Variants in SUCLG2 observed in about 807,000 individuals in gnomAD.
The protein encoded by SUCLG2 is succinate-CoA ligase GDP-forming subunit beta, also known as succinate--CoA ligase [GDP-forming] subunit beta, mitochondrial.
In SUCLG2, 42 loss-of-function variants were observed where a neutral mutation model predicts 47.9. That is an observed-to-expected ratio of 0.88 (90% CI 0.69 to 1.14). SUCLG2 has a LOEUF of 1.14. SUCLG2 is among the 50% of genes most tolerant of loss of function. The pLI, the probability that SUCLG2 is intolerant of heterozygous loss-of-function variation, is 0.00. For missense variants in SUCLG2, 571 were observed against 525.9 expected (o/e 1.09, Z -0.84); for synonymous variants, 195 against 197.3 (o/e 0.99, Z 0.10).
intron 2 of SUCLG2, among the ~76,000 whole-genome samples, chr3:67,555,756 T>A (rs900515980): frequency 1.3e-5 from 2 of 152,102 alleles, no homozygotes; most frequent in Non-Finnish European, 2.9e-5. Context: ...CAGCAAATGA[T>A]GGAAATGAGA....
In SUCLG2 at chr3:67,567,922, G is replaced by A. The variant is rs6783061; in HGVS notation, c.227-38736C>T. ...GACTCTAAAAACAGACAGAGAGGGA[G>A]AAAAGATGATGATGACAACGCTGTT... On this transcript the variant is annotated intron_variant, in intron 2 of 10. Transcript: ENST00000307227. 9.3e-4 allele frequency among the ~76,000 whole-genome samples: 142 copies of A among 152,328 alleles called. 1 individual carries two copies. The highest frequency in any genetic ancestry group is 3.2e-3 in the African/African-American group (131 of 41,570).
At chr3:67,489,743 G>GT (rs1368259634) in intron 9 of SUCLG2, among the ~76,000 whole-genome samples, 1 of 152,132 alleles carries the variant, frequency 6.6e-6, no homozygotes, top group African/African-American at 2.4e-5. Context: ...GTTTTGCTTT[G>GT]TTACAATAAA....
rs138653739 is a variant in SUCLG2 at position 67,627,263 on chromosome 3, T to G, written c.85-17667A>C. ...ACCAATTTTTACTTGGCATCTGCTT[T>G]AAATCCCATGGAATTAGTTACTCCT... On this transcript the variant is annotated intron_variant, in intron 1 of 10. Coordinates refer to ENST00000307227, the MANE Select transcript of SUCLG2 (RefSeq NM_003848.4). Among the ~76,000 whole-genome samples the G allele has an allele frequency of 1.7e-4, 26 of 152,330 alleles. 1 individual carries two copies. Among genetic ancestry groups the G allele is most frequent in the African/African-American group, 6.0e-4 (25 of 41,566 alleles).
At chr3:67,650,729 C>G (rs1701271276) in intron 1 of SUCLG2, among the ~76,000 whole-genome samples, 1 of 152,058 alleles carries the variant, frequency 6.6e-6, no homozygotes, top group African/African-American at 2.4e-5. Flanking sequence ...CGCACTCCAG[C>G]CTGGGTGAGA....
At chr3:67,395,155 C>A (rs1198479162) in intron 10 of SUCLG2, among the ~76,000 whole-genome samples, 1 of 151,634 alleles carries the variant, frequency 6.6e-6, no homozygotes, top group East Asian at 1.9e-4. Flanking sequence ...ATGACAGGAT[C>A]AAATTCACAC....
chr3:67,450,354 G>C (rs548925150), intron 9 of SUCLG2, among the ~76,000 whole-genome samples: 3 of 152,264 alleles, frequency 2.0e-5, no homozygotes, highest in South Asian at 4.1e-4. Flanking sequence ...ATGTACAATA[G>C]TTTTATTAAA....
At chr3:67,365,536 A>G (rs909759464) in intron 10 of SUCLG2, among the ~76,000 whole-genome samples, 20 of 151,990 alleles carry the variant, frequency 1.3e-4, no homozygotes, top group Non-Finnish European at 1.5e-5. Flanking sequence ...TGTTTAAGAC[A>G]CTCCATTGTT....
At chr3:67,609,295 G>C (rs894665652) in intron 2 of SUCLG2, among the ~76,000 whole-genome samples, 160 bp downstream of exon 2, 1 of 152,012 alleles carries the variant, frequency 6.6e-6, no homozygotes, top group African/African-American at 2.4e-5. Flanking sequence ...ACATGTACAT[G>C]AGGCAATCTG....
At chr3:67,367,977 ATGTT>A (rs1245386435) in intron 10 of SUCLG2, among the ~76,000 whole-genome samples, 2 of 152,162 alleles carry the variant, frequency 1.3e-5, no homozygotes, top group African/African-American at 2.4e-5. Flanking sequence ...AAAAACGTAT[ATGTT>A]TATTTCCTCA....
At chr3:67,630,619 T>C (rs9864493) in intron 1 of SUCLG2, among the ~76,000 whole-genome samples, 78,945 of 152,016 alleles carry the variant, frequency 0.52, 21,671 homozygotes, top group African/African-American at 0.71. Context: ...GCACTCCTAG[T>C]CGCAAGGATT....
chr3:67,383,770 T>C (rs544316216), intron 10 of SUCLG2, among the ~76,000 whole-genome samples: 3 of 152,198 alleles, frequency 2.0e-5, no homozygotes, highest in South Asian at 2.1e-4. Flanking sequence ...AAAAGCAACA[T>C]AGATACTAAA....
chr3:67,460,371 T>G (rs1490381389), intron 9 of SUCLG2, among the ~76,000 whole-genome samples: 1 of 152,248 alleles, frequency 6.6e-6, no homozygotes, highest in Non-Finnish European at 1.5e-5. Flanking sequence ...ATCTGTCATT[T>G]ATTAAACACC....
At chr3:67,561,416 T>C (rs892539570) in intron 2 of SUCLG2, among the ~76,000 whole-genome samples, 1 of 152,168 alleles carries the variant, frequency 6.6e-6, no homozygotes, top group Non-Finnish European at 1.5e-5. Context: ...TGGCATTTCC[T>C]GCTCAGCAAG....
At chr3:67,591,510 C>G (rs1007547185) in intron 2 of SUCLG2, among the ~76,000 whole-genome samples, 4 of 152,118 alleles carry the variant, frequency 2.6e-5, no homozygotes, top group African/African-American at 9.7e-5. Flanking sequence ...GCCAGTCTTT[C>G]CCCTGCTATT....
At chr3:67,509,227 T>C (rs1297457122) in intron 6 of SUCLG2, among the ~76,000 whole-genome samples, 2 of 152,218 alleles carry the variant, frequency 1.3e-5, no homozygotes, top group African/African-American at 4.8e-5. Context: ...CAATCATTAA[T>C]ACAAACAAGC....
At chr3:67,566,610 G>A (rs1011849169) in intron 2 of SUCLG2, among the ~76,000 whole-genome samples, 3 of 151,862 alleles carry the variant, frequency 2.0e-5, no homozygotes, top group Admixed American at 6.6e-5. Flanking sequence ...TTTCTTAACC[G>A]GCTTTATGGT....
chr3:67,475,241 G>A (rs1247275702), intron 9 of SUCLG2, among the ~76,000 whole-genome samples: 2 of 152,212 alleles, frequency 1.3e-5, no homozygotes, highest in African/African-American at 2.4e-5. Context: ...GAATGAAAAC[G>A]ATATTAAACC....
intron 4 of SUCLG2, among the ~76,000 whole-genome samples, chr3:67,525,116 T>A (rs1706218762): frequency 6.6e-6 from 1 of 152,096 alleles, no homozygotes; most frequent in Admixed American, 6.5e-5. Flanking sequence ...ACAATGCTGA[T>A]GAAATAAATC....
chr3:67,548,669 C>A (rs1706930505), intron 2 of SUCLG2, among the ~76,000 whole-genome samples: 1 of 152,172 alleles, frequency 6.6e-6, no homozygotes, highest in African/African-American at 2.4e-5. Flanking sequence ...ATTCCCAAAT[C>A]AATAAATCTA....
Sources: gnomAD v4.1 joint callset for allele counts (sites outside exome capture counted in the v4.1 genomes callset) on GRCh38, gnomAD v4.1.1 for gene constraint, MANE v1.5 for transcripts, NCBI Gene and HGNC (gene_info 2026-07-23, HGNC 2026-07-21) for gene names.